SHROOM2: variants seen among roughly 807,000 people sequenced by gnomAD.
SHROOM2 encodes shroom family member 2.
A neutral mutation model predicts 75.9 loss-of-function variants in SHROOM2; 33 were observed. The ratio of observed to expected loss-of-function variants is 0.43; its 90% CI spans 0.33 to 0.58. SHROOM2 has a LOEUF of 0.58. Among genes scored for constraint, SHROOM2 ranks in the 20% least tolerant of loss-of-function variants. The pLI is 0.04. For synonymous variants in SHROOM2, 655 were observed against 663.6 expected (o/e 0.99, Z 0.20); for missense variants, 1,434 against 1,461.2 (o/e 0.98, Z 0.30).
chrX:9,793,926 G>A (rs2083681131), intron 1 of SHROOM2, among the ~76,000 whole-genome samples: 1 of 110,285 alleles, frequency 9.1e-6, no homozygotes, highest in Non-Finnish European at 1.9e-5. Context: ...TGTATTTTTT[G>A]TAGAGATGGG....
intron 1 of SHROOM2, among the ~76,000 whole-genome samples, chrX:9,807,187 G>A (rs2083758341): frequency 1.8e-5 from 2 of 112,081 alleles, no homozygotes; most frequent in Admixed American, 1.9e-4. Flanking sequence ...TGATCCCCCA[G>A]CAGGGTCACA....
chrX:9,911,510 C>T (rs1471953300), intron 5 of SHROOM2, among the ~76,000 whole-genome samples: 2 of 111,118 alleles, frequency 1.8e-5, no homozygotes. Flanking sequence ...GTCCTGGTGG[C>T]TAAGCCCAGG....
intron 5 of SHROOM2, among the ~76,000 whole-genome samples, chrX:9,914,209 T>C (rs1006039863): frequency 1.9e-5 from 2 of 107,982 alleles, no homozygotes; most frequent in African/African-American, 3.4e-5. Flanking sequence ...GGAATAACCA[T>C]ACACGTTGGT....
At position 9,932,710 on chromosome X, in the gene SHROOM2, G is replaced by A. The variant is rs1364879581; in HGVS notation, c.3427G>A (p.Ala1143Thr). The change falls in exon 6 of 10, where the codon GCA becomes ACA. Residue 1143 changes from alanine (A) to threonine (T), a missense_variant. Ala to Thr is a moderately conservative substitution (Grantham distance 58). Coordinates refer to ENST00000380913, the MANE Select transcript of SHROOM2 (RefSeq NM_001649.4). ...ERGSQHVSGD[A>T]SRPLPEALLP... ...TGGAAGCCAGCATGTGAGCGGGGAC[G>A]CATCACGTCCTCTGCCAGAAGCACT... 6.6e-6 allele frequency: 8 copies of A among 1,209,748 alleles called. No homozygotes were observed. Among genetic ancestry groups the A allele is most frequent in the African/African-American group, 5.2e-5 (3 of 57,392 alleles).
At chrX:9,937,080 A>C (rs1262543068) in intron 6 of SHROOM2, 54 bp from the exon 7 acceptor site, 4 of 1,103,793 alleles carry the variant, frequency 3.6e-6, no homozygotes, top group African/African-American at 1.8e-5. Context: ...CACGTCAATC[A>C]GGGTCTGTGG....
intron 1 of SHROOM2, 67 bp downstream of exon 1, chrX:9,786,777 T>TAGGGGCGCGGG: frequency 1.3e-6 from 1 of 788,146 alleles, no homozygotes; most frequent in South Asian, 6.9e-5. Flanking sequence ...CGCGTCGAGG[T>TAGGGGCGCGGG]AGGGGCGCGG....
chrX:9,868,717 A>AT (rs1416293431), intron 1 of SHROOM2, among the ~76,000 whole-genome samples: 1 of 85,010 alleles, frequency 1.2e-5, no homozygotes, highest in Non-Finnish European at 2.2e-5. Flanking sequence ...TATCTGGCTA[A>AT]TTTTTTACCC....
chrX:9,808,869 A>AT (rs201715484), intron 1 of SHROOM2, among the ~76,000 whole-genome samples: 61 of 108,086 alleles, frequency 5.6e-4, no homozygotes, highest in African/African-American at 1.8e-3. Flanking sequence ...CTCAAAAAAA[A>AT]AATAATAAAA....
At chrX:9,901,163 C>T (rs899726505) in intron 5 of SHROOM2, among the ~76,000 whole-genome samples, 2 of 110,978 alleles carry the variant, frequency 1.8e-5, no homozygotes, top group African/African-American at 3.3e-5. Flanking sequence ...CGTCCCTCTG[C>T]GCATTTTTGT....
rs1403752373 is a variant in SHROOM2, at chrX:9,946,996, A to G, written c.*59A>G. 3.7e-6 allele frequency: 4 copies of G among 1,082,166 alleles called. No individual in the cohort carries two copies. The highest frequency in any genetic ancestry group is 4.9e-6 in the Non-Finnish European group (4 of 811,184). 89.2% of individuals were successfully genotyped at this position (1,082,166 alleles called of 1,213,427 possible). ...CCTCCGAGCTCCAGCTCCGTTCCCA[A>G]GGATACTCGTGAAGACCCCATCTGT... On this transcript the variant is annotated 3_prime_UTR_variant, in exon 10 of 10. Transcript: ENST00000380913.
At chrX:9,831,636 C>A (rs2083916787) in intron 1 of SHROOM2, among the ~76,000 whole-genome samples, 1 of 112,128 alleles carries the variant, frequency 8.9e-6, no homozygotes, top group African/African-American at 3.2e-5. Context: ...CCAGCCTGGG[C>A]AATGAGAGCA....
Position 9,932,606 on chromosome X carries a change from G to T in SHROOM2, c.3323G>T (p.Arg1108Leu). ...SPASLDVYVARLSLSHSPSVF... is the reference protein window; with the variant it reads ...SPASLDVYVALLSLSHSPSVF... ...GCGTCCCTGGATGTGTATGTGGCCC[G>T]CCTGTCCCTCTCCCACAGCCCCTCT... The change falls in exon 6 of 10, where the codon CGC becomes CTC. Residue 1108 changes from arginine to leucine, a missense_variant. By Grantham distance (102) the Arg-to-Leu change is moderately radical. Coordinates refer to ENST00000380913, the MANE Select transcript of SHROOM2 (RefSeq NM_001649.4). 8.3e-7 allele frequency: 1 copy of T among 1,211,387 alleles called. No homozygotes were observed. The highest frequency in any genetic ancestry group is 1.8e-5 in the South Asian group (1 of 56,937).
At position 9,894,663 on chromosome X, in the gene SHROOM2, C is replaced by T; in HGVS notation, c.755C>T (p.Ala252Val). Residue 252 changes from alanine to valine, a missense_variant, in exon 4 of 10, where the codon GCC becomes GTC. Transcript: ENST00000380913. The part of the protein sequence containing the change: ...WEAPRQGGRQ[A>V]QAAGDPQGSE... ...GCTCCCAGGCAGGGTGGCCGGCAGG[C>T]CCAGGCCGCAGGCGACCCTCAGGGC... is the stretch of plus-strand genomic sequence containing the variant. 1.7e-6 allele frequency: 2 copies of T among 1,211,285 alleles called. No individual in the cohort carries two copies. Among genetic ancestry groups the T allele is most frequent in the African/African-American group, 1.7e-5 (1 of 58,000 alleles).
chrX:9,937,245 C>A lies in SHROOM2; in HGVS notation c.3699C>A (p.Ala1233=). The A allele has an allele frequency of 8.3e-7, 1 of 1,209,672 alleles. No homozygotes were observed. Among genetic ancestry groups the A allele is most frequent in the Non-Finnish European group, 1.1e-6 (1 of 894,461 alleles). ...KESRQSLACP[A]EPPALPHGLE... The stretch of plus-strand genomic sequence containing the variant: ...GCCGCCAGAGCCTGGCATGCCCCGC[C>A]GAGCCACCTGCCCTGCCCCACGGGC... The change falls in exon 7 of 10, where the codon GCC becomes GCA. Residue 1233 remains alanine, a synonymous_variant. Coordinates refer to ENST00000380913, the MANE Select transcript of SHROOM2 (RefSeq NM_001649.4).
intron 1 of SHROOM2, among the ~76,000 whole-genome samples, chrX:9,808,027 A>T (rs1380436073): frequency 1.8e-5 from 2 of 111,729 alleles, no homozygotes; most frequent in East Asian, 5.6e-4. Context: ...CAGGCCTGGC[A>T]CCGCAGGGAG....
intron 2 of SHROOM2, among the ~76,000 whole-genome samples, chrX:9,884,974 C>T (rs1391558468): frequency 1.8e-5 from 2 of 111,498 alleles, no homozygotes; most frequent in Admixed American, 9.5e-5. Context: ...CTTTGGGAGG[C>T]CGAGGTGGGA....
In SHROOM2 at chrX:9,935,963, GGT is replaced by G. The variant is rs779811032; in HGVS notation, c.3588-1169_3588-1168del. 2.7e-5 allele frequency among the ~76,000 whole-genome samples: 3 copies of G among 111,457 alleles called. No homozygotes were observed. The South Asian group carries it at 1.1e-3, about 42-fold the overall frequency. On this transcript the variant is annotated intron_variant, in intron 6 of 9. Transcript: ENST00000380913. ...GGCCCTGGTCAGCATGGTCTAGCACGGTGCCGCTGAGAGCAGCAGGTGCAGGG... is the reference window on the plus strand; with the variant it reads ...GGCCCTGGTCAGCATGGTCTAGCACGGCCGCTGAGAGCAGCAGGTGCAGGG...
At chrX:9,879,115 G>A (rs963938749) in intron 2 of SHROOM2, among the ~76,000 whole-genome samples, 5 of 111,201 alleles carry the variant, frequency 4.5e-5, no homozygotes, top group Admixed American at 9.6e-5. Flanking sequence ...AGGCTGGAGT[G>A]CGGTGGCTAC....
intron 1 of SHROOM2, among the ~76,000 whole-genome samples, chrX:9,794,375 T>G (rs769513874): frequency 2.7e-5 from 3 of 111,338 alleles, no homozygotes; most frequent in African/African-American, 9.8e-5. Context: ...CTTCTCTTCT[T>G]TTCTTTTTTC....
Sources: allele counts gnomAD v4.1 joint callset (sites outside exome capture counted in the v4.1 genomes callset), GRCh38; gene constraint gnomAD v4.1.1; transcripts MANE v1.5; gene names NCBI Gene and HGNC (gene_info 2026-07-23, HGNC 2026-07-21).